KLHL32: variants seen among roughly 807,000 people sequenced by gnomAD.
The protein encoded by KLHL32 is kelch like family member 32.
In KLHL32, 35 loss-of-function variants were observed where a neutral mutation model predicts 64.8. That is an observed-to-expected ratio of 0.54 (90% CI 0.41 to 0.72). The LOEUF (loss-of-function observed/expected upper bound fraction) is 0.72, where lower values mean the gene tolerates loss of function less well. Ranked by LOEUF, KLHL32 falls within the 30% of genes least tolerant of loss-of-function variation. KLHL32 has a pLI of 0.00. For synonymous variants in KLHL32, 259 were observed against 281.0 expected (o/e 0.92, Z 0.78); for missense variants, 589 against 768.5 (o/e 0.77, Z 2.76).
intron 5 of KLHL32, among the ~76,000 whole-genome samples, chr6:97,080,938 T>C (rs1792403499): frequency 6.6e-6 from 1 of 152,132 alleles, no homozygotes; most frequent in Non-Finnish European, 1.5e-5. Flanking sequence ...TCCTATCCCA[T>C]AGGAATTTTG....
At chr6:96,953,650 A>G (rs1772906369) in intron 1 of KLHL32, among the ~76,000 whole-genome samples, 1 of 151,828 alleles carries the variant, frequency 6.6e-6, no homozygotes, top group South Asian at 2.1e-4. Context: ...AAGAAAATTT[A>G]GCTTTCTTCA....
chr6:97,132,577 C>G (rs1276877822), intron 9 of KLHL32, 76 bp from the exon 10 acceptor site: 1 of 1,115,678 alleles, frequency 9.0e-7, no homozygotes, highest in Non-Finnish European at 1.3e-6. Context: ...AATTGTATCC[C>G]TCAGTGGCAA....
chr6:96,906,181 A>G, the KLHL32 span, among the ~76,000 whole-genome samples: 10 of 152,210 alleles, frequency 6.6e-5, no homozygotes, highest in African/African-American at 1.4e-4. Flanking sequence ...ATGACCCCCA[A>G]TGACCCTAAA....
At chr6:97,085,422 C>T in intron 6 of KLHL32, 81 bp downstream of exon 6, 1 of 1,236,652 alleles carries the variant, frequency 8.1e-7, no homozygotes. Context: ...GAACAATTAC[C>T]ACTATTTTAG....
chr6:96,998,984 A>G (rs1778710933), intron 3 of KLHL32, among the ~76,000 whole-genome samples: 2 of 152,254 alleles, frequency 1.3e-5, no homozygotes, highest in South Asian at 4.1e-4. Context: ...ATGGCTAAAG[A>G]ATTTATTACC....
At chr6:97,067,971 A>G (rs1023336511) in intron 5 of KLHL32, among the ~76,000 whole-genome samples, 1 of 151,430 alleles carries the variant, frequency 6.6e-6, no homozygotes, top group Non-Finnish European at 1.5e-5. Flanking sequence ...TCCCCTTTAG[A>G]TTGTACCAAG....
chr6:97,056,532 C>T (rs943169539), intron 4 of KLHL32, among the ~76,000 whole-genome samples: 1 of 152,156 alleles, frequency 6.6e-6, no homozygotes, highest in Non-Finnish European at 1.5e-5. Context: ...ACTCTGTAGG[C>T]TTCAAATCCT....
At chr6:97,080,903 T>G (rs1792394947) in intron 5 of KLHL32, among the ~76,000 whole-genome samples, 1 of 152,160 alleles carries the variant, frequency 6.6e-6, no homozygotes, top group South Asian at 2.1e-4. Context: ...TATAGGATAT[T>G]CAGATGAAAC....
At chr6:97,060,227 C>T (rs1484202446) in intron 4 of KLHL32, among the ~76,000 whole-genome samples, 1 of 151,830 alleles carries the variant, frequency 6.6e-6, no homozygotes, top group East Asian at 1.9e-4. Flanking sequence ...CACTTGATCA[C>T]AGGCAGGAGA....
intron 3 of KLHL32, among the ~76,000 whole-genome samples, chr6:96,992,546 ATGATT>A (rs1366355451): frequency 1.3e-5 from 2 of 152,214 alleles, no homozygotes; most frequent in Non-Finnish European, 2.9e-5. Context: ...ATTTTGGGAA[ATGATT>A]TGATTTCGCA....
At chr6:97,116,432 A>G (rs1457335190) in intron 7 of KLHL32, among the ~76,000 whole-genome samples, 1 of 152,166 alleles carries the variant, frequency 6.6e-6, no homozygotes, top group Non-Finnish European at 1.5e-5. Context: ...CAAAACAACG[A>G]TGGGTTTATG....
At chr6:96,986,148 G>C (rs1302875881) in intron 3 of KLHL32, among the ~76,000 whole-genome samples, 1 of 152,186 alleles carries the variant, frequency 6.6e-6, no homozygotes, top group Non-Finnish European at 1.5e-5. Context: ...TCCAGACCCT[G>C]TTTGCCTGGG....
intron 3 of KLHL32, among the ~76,000 whole-genome samples, chr6:97,018,425 TAAA>T (rs59522299): frequency 7.4e-6 from 1 of 135,288 alleles, no homozygotes. Flanking sequence ...TGTCTCTACT[TAAA>T]AAAAAAAAAA....
At chr6:96,997,229 A>G (rs1336772530) in intron 3 of KLHL32, among the ~76,000 whole-genome samples, 1 of 152,146 alleles carries the variant, frequency 6.6e-6, no homozygotes, top group Non-Finnish European at 1.5e-5. Flanking sequence ...GGCTGGAGCC[A>G]GTGTCTTTTC....
intron 7 of KLHL32, among the ~76,000 whole-genome samples, chr6:97,116,722 C>G (rs576532490): frequency 6.6e-6 from 1 of 152,164 alleles, no homozygotes; most frequent in Non-Finnish European, 1.5e-5. Flanking sequence ...CTCTTAGACT[C>G]GCTAGATCCG....
At chr6:97,026,665 A>G (rs1466195043) in intron 3 of KLHL32, among the ~76,000 whole-genome samples, 1 of 152,206 alleles carries the variant, frequency 6.6e-6, no homozygotes, top group African/African-American at 2.4e-5. Context: ...TTATGGTCAT[A>G]TACCTTCCTT....
intron 10 of KLHL32, among the ~76,000 whole-genome samples, chr6:97,137,779 C>T (rs1314669569): frequency 6.6e-6 from 1 of 152,130 alleles, no homozygotes; most frequent in Non-Finnish European, 1.5e-5. Context: ...CGTGATCCAC[C>T]TGCCTGACTC....
chr6:97,126,714 T>A lies in KLHL32; in HGVS notation c.1355-690T>A, dbSNP rs192636970. ...CAAATATACACTGGCTTTTGAAGACTTAGTATGAAAAAAAGAATATGAAAT... is the reference window on the plus strand; with the variant it reads ...CAAATATACACTGGCTTTTGAAGACATAGTATGAAAAAAAGAATATGAAAT... On this transcript the variant is annotated intron_variant, in intron 7 of 10. Coordinates refer to ENST00000369261, the MANE Select transcript of KLHL32 (RefSeq NM_052904.4). Among the ~76,000 whole-genome samples, 4 of 152,316 alleles carry A rather than the reference T, an allele frequency of 2.6e-5. No individual in the cohort carries two copies. In the East Asian group the frequency reaches 7.7e-4, roughly 29 times the overall value.
At chr6:97,122,513 C>CT (rs970491676) in intron 7 of KLHL32, among the ~76,000 whole-genome samples, 3 of 152,042 alleles carry the variant, frequency 2.0e-5, no homozygotes, top group Admixed American at 1.3e-4. Flanking sequence ...TATGGTATTA[C>CT]TTTTTTTAAG....
Sources: allele counts gnomAD v4.1 joint callset (sites outside exome capture counted in the v4.1 genomes callset), GRCh38; gene constraint gnomAD v4.1.1; transcripts MANE v1.5; gene names NCBI Gene and HGNC (gene_info 2026-07-23, HGNC 2026-07-21).